SV2C: variants seen among roughly 807,000 people sequenced by gnomAD.
The protein encoded by SV2C is synaptic vesicle glycoprotein 2C, also known as solute carrier family 22 member B3.
SV2C carries 49 observed loss-of-function variants against 79.7 expected under a neutral mutation model. That is an observed-to-expected ratio of 0.61 (90% confidence interval 0.49 to 0.78). SV2C has a LOEUF of 0.78. Among genes scored for constraint, SV2C ranks in the 30% least tolerant of loss-of-function variants. The pLI, the probability that SV2C is intolerant of heterozygous loss-of-function variation, is 0.00. For missense variants in SV2C, 833 were observed against 912.9 expected (o/e 0.91, Z 1.13); for synonymous variants, 334 against 333.2 (o/e 1.00, Z -0.03).
chr5:76,013,910 G>A, the SV2C span, among the ~76,000 whole-genome samples: 1 of 152,062 alleles, frequency 6.6e-6, no homozygotes, highest in East Asian at 1.9e-4. Context: ...TACAATAGTT[G>A]TATTCCTGGA....
chr5:75,956,528 C>T, the SV2C span, among the ~76,000 whole-genome samples: 5 of 151,822 alleles, frequency 3.3e-5, no homozygotes, highest in African/African-American at 1.2e-4. Flanking sequence ...CACATGTACT[C>T]TAAAACTTAA....
At chr5:75,926,866 A>T in the SV2C span, among the ~76,000 whole-genome samples, 1 of 152,202 alleles carries the variant, frequency 6.6e-6, no homozygotes, top group Non-Finnish European at 1.5e-5. Flanking sequence ...TACTCTCACC[A>T]TTCAAACTAG....
chr5:75,891,185 G>A, the SV2C span, among the ~76,000 whole-genome samples: 1 of 152,072 alleles, frequency 6.6e-6, no homozygotes, highest in Non-Finnish European at 1.5e-5. Context: ...GGAAACCAGG[G>A]ACTTTGAGAC....
At position 76,331,121 on chromosome 5, in the gene SV2C, G is replaced by C. The variant is rs1749174216; in HGVS notation, c.*5574G>C. 1 of 152,254 alleles carries C rather than the reference G, an allele frequency of 6.6e-6. No homozygotes were observed. The highest frequency in any genetic ancestry group is 1.5e-5 in the Non-Finnish European group (1 of 68,144). 9.4% of individuals were successfully genotyped at this position (152,254 alleles called of 1,614,324 possible). On this transcript the variant is annotated 3_prime_UTR_variant, in exon 13 of 13. Coordinates refer to ENST00000502798, the MANE Select transcript of SV2C (RefSeq NM_014979.4). ...GATCTACCCACCTTGGCCTCCCAAA[G>C]TGCTGGGATTACAGGCATGAGCCAC...
rs142787392 is a variant in SV2C at position 76,326,131 on chromosome 5, C to G, written c.*584C>G. The G allele has an allele frequency of 3.3e-5, 5 of 151,990 alleles. No homozygotes were observed. Among genetic ancestry groups the G allele is most frequent in the Non-Finnish European group, 1.5e-5 (1 of 68,028 alleles). The allele number at this position is 151,990 out of a possible 1,614,324, so 9.4% of individuals were successfully genotyped here. A position where few individuals can be genotyped will look rare whatever the true frequency, so the allele number is the denominator to read the frequency against. Reference sequence around the variant, plus strand: ...TTTGGGGCAAGACAATTAAGGTGACCGCTGACAAGAAAAATAAAAGCTCTG... The same window carrying G: ...TTTGGGGCAAGACAATTAAGGTGACGGCTGACAAGAAAAATAAAAGCTCTG... On this transcript the variant is annotated 3_prime_UTR_variant, in exon 13 of 13. Transcript: ENST00000502798.
chr5:76,285,644 A>G (rs1747330137), intron 5 of SV2C, 137 bp from the exon 6 acceptor site: 4 of 686,004 alleles, frequency 5.8e-6, no homozygotes, highest in Non-Finnish European at 1.0e-5. Context: ...AATAGTCTGT[A>G]TGTTCCAATG....
chr5:76,154,721 A>G (rs1742667346), intron 2 of SV2C, among the ~76,000 whole-genome samples: 1 of 152,206 alleles, frequency 6.6e-6, no homozygotes, highest in Non-Finnish European at 1.5e-5. Flanking sequence ...TAACCACTTA[A>G]AGTATCTGGA....
the SV2C span, among the ~76,000 whole-genome samples, chr5:76,014,570 G>C: frequency 6.6e-6 from 1 of 152,108 alleles, no homozygotes; most frequent in Non-Finnish European, 1.5e-5. Flanking sequence ...TATCCATTAA[G>C]ATGAGGCAGA....
At chr5:76,137,184 A>G (rs1034013582) in intron 2 of SV2C, among the ~76,000 whole-genome samples, 2 of 152,250 alleles carry the variant, frequency 1.3e-5, no homozygotes, top group Non-Finnish European at 2.9e-5. Context: ...TTAGCAAAGC[A>G]TTGAATATAT....
At chr5:75,964,644 T>C in the SV2C span, among the ~76,000 whole-genome samples, 3 of 152,188 alleles carry the variant, frequency 2.0e-5, 1 homozygote, top group Admixed American at 2.0e-4. Flanking sequence ...CCACAAAATA[T>C]TCTGGGCTAA....
intron 2 of SV2C, among the ~76,000 whole-genome samples, chr5:76,135,825 G>C (rs553125277): frequency 9.2e-5 from 14 of 152,082 alleles, no homozygotes; most frequent in Admixed American, 2.0e-4. Context: ...TGGTTGTTGA[G>C]GGGGGCAGGT....
intron 1 of SV2C, among the ~76,000 whole-genome samples, chr5:76,100,969 G>A (rs1341327809): frequency 6.6e-6 from 1 of 152,204 alleles, no homozygotes; most frequent in Non-Finnish European, 1.5e-5. Context: ...CTGGGGGTTG[G>A]GGGGAGTGCA....
chr5:76,088,302 A>G (rs1747263478), intron 1 of SV2C, among the ~76,000 whole-genome samples: 1 of 152,360 alleles, frequency 6.6e-6, no homozygotes, highest in East Asian at 1.9e-4. Flanking sequence ...ATTTTTAAGT[A>G]TAAATATGTC....
chr5:75,965,322 T>A, the SV2C span, among the ~76,000 whole-genome samples: 3 of 152,204 alleles, frequency 2.0e-5, no homozygotes, highest in African/African-American at 7.2e-5. Context: ...TGTTTGTGTC[T>A]CCCATGAATT....
the SV2C span, among the ~76,000 whole-genome samples, chr5:76,010,991 G>C: frequency 0.78 from 118,658 of 152,144 alleles, 46,461 homozygotes; most frequent in Middle Eastern, 0.87. Context: ...GCAAAGCTGC[G>C]TGTTTTCAAA....
At chr5:76,200,906 G>A (rs557462447) in intron 3 of SV2C, among the ~76,000 whole-genome samples, 147 of 152,346 alleles carry the variant, frequency 9.6e-4, no homozygotes, top group Middle Eastern at 3.4e-3. Flanking sequence ...GCTTTCCAAA[G>A]TGCTGGGATT....
chr5:76,301,738 G>A (rs376516774), intron 12 of SV2C, among the ~76,000 whole-genome samples, 193 bp downstream of exon 12: 7 of 151,804 alleles, frequency 4.6e-5, no homozygotes, highest in East Asian at 1.9e-4. Context: ...GTGAAACCTC[G>A]TCTCTACTTA....
At chr5:76,188,834 G>A (rs979450183) in intron 2 of SV2C, among the ~76,000 whole-genome samples, 1 of 152,072 alleles carries the variant, frequency 6.6e-6, no homozygotes, top group Non-Finnish European at 1.5e-5. Context: ...GTGGTCCCTG[G>A]AGTCAGCCTT....
intron 1 of SV2C, among the ~76,000 whole-genome samples, chr5:76,091,218 A>G (rs115011421): frequency 6.2e-4 from 94 of 152,322 alleles, no homozygotes; most frequent in African/African-American, 2.1e-3. Context: ...GAAGCATCCA[A>G]TTAAATCTGC....
Sources: gnomAD v4.1 joint callset for allele counts (sites outside exome capture counted in the v4.1 genomes callset) on GRCh38, gnomAD v4.1.1 for gene constraint, MANE v1.5 for transcripts, NCBI Gene and HGNC (gene_info 2026-07-23, HGNC 2026-07-21) for gene names.